Variants in TMTC2 observed in about 807,000 individuals in gnomAD.
The protein encoded by TMTC2 is protein O-mannosyl-transferase TMTC2.
TMTC2 carries 43 observed loss-of-function variants against 82.4 expected under a neutral mutation model. The ratio of observed to expected loss-of-function variants is 0.52; its 90% CI spans 0.41 to 0.67. The LOEUF (loss-of-function observed/expected upper bound fraction) is 0.67, where lower values mean the gene tolerates loss of function less well. TMTC2 is among the 30% of genes least tolerant of loss of function. TMTC2 has a pLI of 0.00. For synonymous variants in TMTC2, 408 were observed against 381.9 expected, an observed-to-expected ratio of 1.07 and a Z score of -0.80; for missense variants, 919 against 1,012.4, an observed-to-expected ratio of 0.91 and a Z score of 1.25.
chr12:82,949,189 A>G (rs137971800), intron 4 of TMTC2, among the ~76,000 whole-genome samples: 231 of 152,344 alleles, frequency 1.5e-3, no homozygotes, highest in African/African-American at 5.4e-3. Context: ...TCTCCAAGAA[A>G]TTACATAAAG....
chr12:82,878,998 C>A (rs774927309), intron 2 of TMTC2, among the ~76,000 whole-genome samples: 12 of 152,174 alleles, frequency 7.9e-5, no homozygotes, highest in Non-Finnish European at 1.5e-4. Context: ...GTGAACACTT[C>A]CAACACATAT....
At chr12:82,794,768 T>C (rs963657502) in intron 1 of TMTC2, among the ~76,000 whole-genome samples, 1 of 152,250 alleles carries the variant, frequency 6.6e-6, no homozygotes, top group African/African-American at 2.4e-5. Flanking sequence ...ACTTTGGGAA[T>C]GTTATCTAAC....
intron 1 of TMTC2, among the ~76,000 whole-genome samples, chr12:82,840,269 G>A (rs2137088317): frequency 6.6e-6 from 1 of 152,314 alleles, no homozygotes; most frequent in Non-Finnish European, 1.5e-5. Flanking sequence ...AAGTCCAAGA[G>A]GAATGATTTC....
At chr12:82,852,664 TA>T (rs1192178979) in intron 1 of TMTC2, among the ~76,000 whole-genome samples, 1 of 152,228 alleles carries the variant, frequency 6.6e-6, no homozygotes, top group Non-Finnish European at 1.5e-5. Flanking sequence ...GAAGAGGTTT[TA>T]CTATTTCTAT....
At chr12:82,934,557 C>T (rs1432284226) in intron 4 of TMTC2, among the ~76,000 whole-genome samples, 1 of 152,148 alleles carries the variant, frequency 6.6e-6, no homozygotes, top group Non-Finnish European at 1.5e-5. Context: ...AGGACATGAA[C>T]TCATCCTTTT....
intron 9 of TMTC2, among the ~76,000 whole-genome samples, chr12:83,034,789 G>A (rs140657193): frequency 1.9e-4 from 29 of 152,236 alleles, no homozygotes; most frequent in African/African-American, 6.0e-4. Flanking sequence ...AGCTCAGTTA[G>A]GAATATCCTC....
chr12:83,003,905 A>G (rs1880033372), intron 8 of TMTC2, among the ~76,000 whole-genome samples: 1 of 151,742 alleles, frequency 6.6e-6, no homozygotes, highest in African/African-American at 2.4e-5. Context: ...TTGCATGTTG[A>G]CCTCTCTAGT....
chr12:83,030,346 A>T (rs1881375132), intron 8 of TMTC2, among the ~76,000 whole-genome samples: 2 of 152,172 alleles, frequency 1.3e-5, no homozygotes, highest in Non-Finnish European at 2.9e-5. Context: ...GATGAAATAT[A>T]ATGTTAGGTA....
chr12:82,914,990 T>C (rs564115283), intron 3 of TMTC2, among the ~76,000 whole-genome samples: 2 of 151,960 alleles, frequency 1.3e-5, no homozygotes, highest in Non-Finnish European at 2.9e-5. Flanking sequence ...CACGCCCGGC[T>C]AATTTTGTAT....
At chr12:82,858,265 A>C (rs1286124136) in intron 2 of TMTC2, among the ~76,000 whole-genome samples, 1 of 152,234 alleles carries the variant, frequency 6.6e-6, no homozygotes. Context: ...ATCCCCATAC[A>C]CTTGAAGAGA....
intron 3 of TMTC2, among the ~76,000 whole-genome samples, chr12:82,929,958 T>C (rs1382411814): frequency 1.3e-5 from 2 of 152,228 alleles, no homozygotes; most frequent in Admixed American, 6.5e-5. Context: ...CCTGGCAAGC[T>C]TCTTTATAGC....
chr12:82,691,982 A>C (rs559882505), intron 1 of TMTC2, among the ~76,000 whole-genome samples: 9 of 152,332 alleles, frequency 5.9e-5, no homozygotes, highest in African/African-American at 2.2e-4. Context: ...TTCTAACTAC[A>C]TTTTGATTGT....
chr12:82,899,656 TATATATAAGA>T (rs1873874090), intron 3 of TMTC2, among the ~76,000 whole-genome samples: 6 of 140,164 alleles, frequency 4.3e-5, no homozygotes, highest in African/African-American at 1.6e-4. Context: ...TATAAGAATA[TATATATAAGA>T]ATATATATGT....
chr12:82,956,429 A>T (rs1877619793), intron 4 of TMTC2, among the ~76,000 whole-genome samples: 1 of 152,126 alleles, frequency 6.6e-6, no homozygotes. Context: ...AAGAGTCACT[A>T]TTCTTCCATC....
chr12:83,114,982 T>G (rs558933084), intron 11 of TMTC2, among the ~76,000 whole-genome samples: 1 of 152,140 alleles, frequency 6.6e-6, no homozygotes, highest in South Asian at 2.1e-4. Flanking sequence ...GCTTGTATCT[T>G]CCATGACAAT....
intron 1 of TMTC2, among the ~76,000 whole-genome samples, chr12:82,799,783 T>G (rs1237105854): frequency 1.3e-5 from 2 of 152,120 alleles, no homozygotes; most frequent in Non-Finnish European, 2.9e-5. Flanking sequence ...GGGACACAAT[T>G]TAACCTACAA....
At chr12:83,032,298 T>G (rs1881473855) in intron 9 of TMTC2, among the ~76,000 whole-genome samples, 1 of 145,918 alleles carries the variant, frequency 6.9e-6, no homozygotes, top group African/African-American at 2.5e-5. Flanking sequence ...TATATATAGG[T>G]TTGTCACAAT....
At chr12:82,843,407 C>A (rs73358282) in intron 1 of TMTC2, among the ~76,000 whole-genome samples, 6,197 of 151,978 alleles carry the variant, frequency 0.041, 434 homozygotes, top group African/African-American at 0.14. Context: ...TTTCCAGTGT[C>A]CACATCCATA....
intron 11 of TMTC2, among the ~76,000 whole-genome samples, chr12:83,084,715 A>T (rs918825783): frequency 6.6e-6 from 1 of 152,218 alleles, no homozygotes; most frequent in African/African-American, 2.4e-5. Flanking sequence ...CCAAAATAAG[A>T]GGAAAACACC....
Sources: gnomAD v4.1 joint callset for allele counts (sites outside exome capture counted in the v4.1 genomes callset) on GRCh38, gnomAD v4.1.1 for gene constraint, MANE v1.5 for transcripts, NCBI Gene and HGNC (gene_info 2026-07-23, HGNC 2026-07-21) for gene names.